PCBP3: variants seen among roughly 807,000 people sequenced by gnomAD.
The protein encoded by PCBP3 is poly(rC) binding protein 3, also known as poly(rC)-binding protein 3.
In PCBP3, 25 loss-of-function variants were observed where a neutral mutation model predicts 52.7. The observed-to-expected ratio is 0.47, with a 90% CI of 0.35 to 0.66. The LOEUF is 0.66. Among genes scored for constraint, PCBP3 ranks in the 30% least tolerant of loss-of-function variants. The pLI is 0.01. For missense variants in PCBP3, 391 were observed against 490.3 expected, an observed-to-expected ratio of 0.80 and a Z score of 1.91; for synonymous variants, 162 against 183.0, an observed-to-expected ratio of 0.89 and a Z score of 0.93.
At chr21:45,689,322 TA>T (rs767069438) in intron 2 of PCBP3, among the ~76,000 whole-genome samples, 80 of 151,742 alleles carry the variant, frequency 5.3e-4, no homozygotes, top group African/African-American at 1.7e-3. Flanking sequence ...ATATTAACAA[TA>T]AAAAAATACT....
chr21:45,784,834 G>A (rs1413122508), intron 4 of PCBP3, among the ~76,000 whole-genome samples: 1 of 152,196 alleles, frequency 6.6e-6, no homozygotes, highest in Admixed American at 6.5e-5. Context: ...CCAGCAGCCT[G>A]CCTTGGCCTC....
intron 10 of PCBP3, among the ~76,000 whole-genome samples, chr21:45,910,241 T>TCCCG (rs1273687053): frequency 2.2e-5 from 2 of 90,478 alleles, no homozygotes; most frequent in African/African-American, 8.7e-5. Context: ...ATGGGCCCTT[T>TCCCG]CCACCCACTG....
intron 4 of PCBP3, among the ~76,000 whole-genome samples, chr21:45,806,848 G>A (rs1161055651): frequency 2.6e-5 from 4 of 152,084 alleles, no homozygotes; most frequent in Non-Finnish European, 5.9e-5. Context: ...TCCAGATGCC[G>A]GCCTCCCTGC....
chr21:45,856,535 G>C (rs372190691), intron 5 of PCBP3, among the ~76,000 whole-genome samples: 1 of 152,160 alleles, frequency 6.6e-6, no homozygotes, highest in Non-Finnish European at 1.5e-5. Flanking sequence ...GGTGATGACC[G>C]AGCTCTTGTC....
At chr21:45,686,983 G>A (rs945053642) in intron 2 of PCBP3, among the ~76,000 whole-genome samples, 1 of 152,156 alleles carries the variant, frequency 6.6e-6, no homozygotes, top group Non-Finnish European at 1.5e-5. Context: ...GGCAGGCAAT[G>A]CCAGAAAATA....
At chr21:45,702,695 G>A (rs1256472408) in intron 2 of PCBP3, among the ~76,000 whole-genome samples, 1 of 152,214 alleles carries the variant, frequency 6.6e-6, no homozygotes, top group Non-Finnish European at 1.5e-5. Flanking sequence ...TCAGGGTGAT[G>A]ATAGTTGCTG....
In PCBP3 at chr21:45,669,810, T is replaced by C. The variant is rs1413318861; in HGVS notation, c.-200+858T>C. On this transcript the variant is annotated intron_variant, in intron 2 of 17. Coordinates refer to ENST00000681687, the MANE Select transcript of PCBP3 (RefSeq NM_001384156.1). ...CATTGTGTGTGTGTGTGTGTGTATA[T>C]ATATATATATATATATATATATATA... Among the ~76,000 whole-genome samples, 75 of 65,940 alleles carry C rather than the reference T, an allele frequency of 1.1e-3. 1 individual carries two copies. Among genetic ancestry groups the C allele is most frequent in the Admixed American group, 8.2e-3 (60 of 7,276 alleles). 43.3% of individuals were successfully genotyped at this position (65,940 alleles called of 152,430 possible).
intron 5 of PCBP3, among the ~76,000 whole-genome samples, chr21:45,878,639 C>T (rs1195990905): frequency 6.6e-6 from 1 of 152,232 alleles, no homozygotes; most frequent in Non-Finnish European, 1.5e-5. Flanking sequence ...ACAGAACAGA[C>T]ATTGGAGCCA....
intron 2 of PCBP3, among the ~76,000 whole-genome samples, chr21:45,722,075 TTAAA>T (rs1391614862): frequency 6.6e-6 from 1 of 152,196 alleles, no homozygotes; most frequent in Non-Finnish European, 1.5e-5. Flanking sequence ...CAGCAGTAAT[TTAAA>T]TAATTAACAA....
In PCBP3 at chr21:45,941,865, C is replaced by T. The variant is rs2077497985; in HGVS notation, c.*159C>T. On this transcript the variant is annotated 3_prime_UTR_variant, in exon 18 of 18. Transcript: ENST00000681687. ...TATGCCATGGAGAAACACACCCGCG[C>T]ACACAGCTGCTCTCTACAGAGGCTG... 3 of 534,658 alleles carry T rather than the reference C, an allele frequency of 5.6e-6. No homozygotes were observed. The highest frequency in any genetic ancestry group is 9.7e-6 in the Non-Finnish European group (3 of 307,748). 33.1% of individuals were successfully genotyped at this position (534,658 alleles called of 1,614,324 possible).
chr21:45,903,962 G>C (rs566081086), intron 9 of PCBP3, among the ~76,000 whole-genome samples: 5 of 152,288 alleles, frequency 3.3e-5, no homozygotes, highest in South Asian at 4.1e-4. Context: ...TGATTCCTTG[G>C]AGTTTCACTG....
chr21:45,708,488 C>T (rs1215871291), intron 2 of PCBP3, among the ~76,000 whole-genome samples: 2 of 152,264 alleles, frequency 1.3e-5, no homozygotes, highest in African/African-American at 4.8e-5. Flanking sequence ...GTTTGGAAAC[C>T]ATAGAAATCT....
intron 14 of PCBP3, 91 bp downstream of exon 14, chr21:45,930,086 A>T: frequency 1.4e-6 from 1 of 723,532 alleles, no homozygotes; most frequent in Non-Finnish European, 2.2e-6. Flanking sequence ...TGCATAGAAC[A>T]GGTGCAGTTG....
chr21:45,721,852 A>G (rs1436865086), intron 2 of PCBP3, among the ~76,000 whole-genome samples: 1 of 152,094 alleles, frequency 6.6e-6, no homozygotes. Flanking sequence ...GGCTGATAAG[A>G]TAGAATTTTG....
chr21:45,659,185 G>A (rs571090141), intron 1 of PCBP3, among the ~76,000 whole-genome samples: 80 of 151,434 alleles, frequency 5.3e-4, no homozygotes, highest in African/African-American at 1.7e-3. Flanking sequence ...CAAAGGTTTA[G>A]TTGGCTCTTT....
chr21:45,733,219 C>G (rs910449099), intron 2 of PCBP3, among the ~76,000 whole-genome samples: 1 of 152,132 alleles, frequency 6.6e-6, no homozygotes, highest in African/African-American at 2.4e-5. Flanking sequence ...TCTTGTCTCT[C>G]CTTAGCATTT....
chr21:45,907,608 ACT>A (rs2096242407), intron 9 of PCBP3, among the ~76,000 whole-genome samples: 1 of 152,006 alleles, frequency 6.6e-6, no homozygotes, highest in African/African-American at 2.4e-5. Context: ...AGTTCAGGTA[ACT>A]CTGGGTCATG....
At chr21:45,780,344 T>G (rs938544217) in intron 4 of PCBP3, among the ~76,000 whole-genome samples, 1 of 152,228 alleles carries the variant, frequency 6.6e-6, no homozygotes, top group Non-Finnish European at 1.5e-5. Flanking sequence ...GATATTGAAG[T>G]CTCTCTCTGG....
At chr21:45,900,046 A>G (rs2095985338) in intron 7 of PCBP3, among the ~76,000 whole-genome samples, 2 of 152,256 alleles carry the variant, frequency 1.3e-5, no homozygotes, top group South Asian at 4.1e-4. Flanking sequence ...AGTAAGGCCC[A>G]GTTTGGAAGC....
Sources: allele counts gnomAD v4.1 joint callset (sites outside exome capture counted in the v4.1 genomes callset), GRCh38; gene constraint gnomAD v4.1.1; transcripts MANE v1.5; gene names NCBI Gene and HGNC (gene_info 2026-07-23, HGNC 2026-07-21).